FAM171A1: variants seen among roughly 807,000 people sequenced by gnomAD.
FAM171A1 encodes family with sequence similarity 171 member A1, also known as protein FAM171A1.
A neutral mutation model predicts 74.9 loss-of-function variants in FAM171A1; 23 were observed. The ratio of observed to expected loss-of-function variants is 0.31; its 90% CI spans 0.22 to 0.44. The LOEUF (loss-of-function observed/expected upper bound fraction) is 0.44, where lower values mean the gene tolerates loss of function less well. Ranked by LOEUF, FAM171A1 falls within the 20% of genes least tolerant of loss-of-function variation. The probability of loss-of-function intolerance (pLI) is 1.00; values close to 1 mark genes in which losing one functional copy is unlikely to be tolerated. For missense variants in FAM171A1, 1,162 were observed against 1,159.2 expected, an observed-to-expected ratio of 1.00 and a Z score of -0.03; for synonymous variants, 527 against 505.7, an observed-to-expected ratio of 1.04 and a Z score of -0.57.
chr10:15,219,331 C>A (rs958403883), intron 6 of FAM171A1, among the ~76,000 whole-genome samples: 2 of 152,072 alleles, frequency 1.3e-5, no homozygotes, highest in African/African-American at 4.8e-5. Context: ...CACACACACA[C>A]AAAAAGCATG....
At chr10:15,229,789 C>T (rs12784164) in intron 5 of FAM171A1, among the ~76,000 whole-genome samples, 29 of 23,292 alleles carry the variant, frequency 1.2e-3, no homozygotes, top group African/African-American at 3.8e-3. Flanking sequence ...ACCATCACCA[C>T]CATCACCATC....
At chr10:15,301,813 C>T (rs1297093205) in intron 1 of FAM171A1, among the ~76,000 whole-genome samples, 4 of 152,174 alleles carry the variant, frequency 2.6e-5, no homozygotes, top group African/African-American at 9.6e-5. Context: ...TTCTATCAAA[C>T]CATGCCAGGC....
chr10:15,273,822 CA>C (rs1350127554), intron 3 of FAM171A1, among the ~76,000 whole-genome samples: 1 of 152,128 alleles, frequency 6.6e-6, no homozygotes, highest in Non-Finnish European at 1.5e-5. Flanking sequence ...AGGCCTTTGA[CA>C]AAATTCAACA....
rs746749391 is a variant in FAM171A1, at chr10:15,254,859, C to A, written c.439G>T (p.Val147Phe). Residue 147 changes from valine to phenylalanine, a missense_variant, in exon 4 of 8, where the codon GTT (valine) becomes TTT (phenylalanine). Coordinates refer to ENST00000378116, the MANE Select transcript of FAM171A1 (RefSeq NM_001010924.2). ...GFQGARPQPR[V>F]HFQRRALRLP... Reference sequence around the variant, plus strand: ...CTCAGAGCCCTTCTCTGGAAATGAACGCGAGGCTGTGGCCGGGCACCTGCA... The same window carrying A: ...CTCAGAGCCCTTCTCTGGAAATGAAAGCGAGGCTGTGGCCGGGCACCTGCA... The A allele has an allele frequency of 2.5e-6, 4 of 1,613,872 alleles. No homozygotes were observed. Among genetic ancestry groups the A allele is most frequent in the Non-Finnish European group, 8.5e-7 (1 of 1,179,768 alleles).
intron 1 of FAM171A1, among the ~76,000 whole-genome samples, chr10:15,318,344 G>A (rs1034199917): frequency 2.0e-5 from 3 of 152,146 alleles, no homozygotes; most frequent in Admixed American, 2.0e-4. Context: ...GGTCCTTCCC[G>A]GAAGGGAAAA....
At chr10:15,319,343 C>T (rs541732906) in intron 1 of FAM171A1, among the ~76,000 whole-genome samples, 16 of 152,146 alleles carry the variant, frequency 1.1e-4, no homozygotes, top group African/African-American at 3.6e-4. Context: ...GACACAAAGG[C>T]ATAAAAAAGA....
chr10:15,255,102 T>C (rs1834562237), intron 3 of FAM171A1, among the ~76,000 whole-genome samples: 1 of 152,168 alleles, frequency 6.6e-6, no homozygotes, highest in Non-Finnish European at 1.5e-5. Context: ...TGACACAGGA[T>C]GTTATTTAGG....
chr10:15,244,754 G>T (rs539937025), intron 5 of FAM171A1, among the ~76,000 whole-genome samples: 2 of 152,164 alleles, frequency 1.3e-5, no homozygotes, highest in Non-Finnish European at 2.9e-5. Context: ...GGAGTAACAG[G>T]TCCCCGCACA....
chr10:15,275,091 G>A (rs536547682), intron 3 of FAM171A1, among the ~76,000 whole-genome samples: 260 of 152,170 alleles, frequency 1.7e-3, no homozygotes, highest in African/African-American at 5.9e-3. Context: ...ATTACACACC[G>A]GGGCCTGTCG....
chr10:15,214,779 C>T (rs1306711433), intron 7 of FAM171A1, among the ~76,000 whole-genome samples, 178 bp from the exon 8 acceptor site: 4 of 144,878 alleles, frequency 2.8e-5, no homozygotes, highest in Non-Finnish European at 6.0e-5. Context: ...TTTTTTGAGA[C>T]AGCATCTTGC....
intron 1 of FAM171A1, among the ~76,000 whole-genome samples, chr10:15,368,686 C>T (rs1043239774): frequency 6.6e-6 from 1 of 152,194 alleles, no homozygotes; most frequent in Non-Finnish European, 1.5e-5. Context: ...GTATGCATAA[C>T]AACCTACAAC....
At chr10:15,278,354 A>G (rs533887441) in intron 2 of FAM171A1, among the ~76,000 whole-genome samples, 1 of 152,332 alleles carries the variant, frequency 6.6e-6, no homozygotes, top group South Asian at 2.1e-4. Context: ...TTCCTCAAAT[A>G]TTAAACACAG....
chr10:15,373,330 C>T (rs1358380408), upstream of FAM171A1, among the ~76,000 whole-genome samples: 2 of 152,198 alleles, frequency 1.3e-5, no homozygotes, highest in African/African-American at 2.4e-5. Flanking sequence ...ATGGCACTCA[C>T]TGAACTGGAG....
At chr10:15,300,205 T>C (rs1432943788) in intron 1 of FAM171A1, among the ~76,000 whole-genome samples, 1 of 152,222 alleles carries the variant, frequency 6.6e-6, no homozygotes, top group African/African-American at 2.4e-5. Flanking sequence ...TAAAGTTTTC[T>C]TTTCTGTTTC....
chr10:15,347,783 C>T (rs12784307), intron 1 of FAM171A1, among the ~76,000 whole-genome samples: 13 of 136,328 alleles, frequency 9.5e-5, no homozygotes, highest in East Asian at 2.3e-4. Flanking sequence ...TGCAGTAAGC[C>T]GAGATCGCAC....
chr10:15,322,069 C>T (rs1019024127), intron 1 of FAM171A1, among the ~76,000 whole-genome samples: 1 of 152,206 alleles, frequency 6.6e-6, no homozygotes, highest in African/African-American at 2.4e-5. Context: ...ACTGTGTCTC[C>T]ATGCTCTGGT....
chr10:15,261,340 C>T (rs747303168), intron 3 of FAM171A1, among the ~76,000 whole-genome samples: 15 of 152,146 alleles, frequency 9.9e-5, no homozygotes, highest in Non-Finnish European at 1.3e-4. Flanking sequence ...AAGAATTGAG[C>T]CAGTAATCTT....
intron 1 of FAM171A1, among the ~76,000 whole-genome samples, chr10:15,343,750 G>C (rs188778210): frequency 1.8e-4 from 27 of 152,254 alleles, no homozygotes; most frequent in East Asian, 1.2e-3. Context: ...ATCCGTCCAG[G>C]AGGGGGGCTG....
At chr10:15,217,032 A>G (rs952025090) in intron 6 of FAM171A1, among the ~76,000 whole-genome samples, 16 of 152,202 alleles carry the variant, frequency 1.1e-4, no homozygotes, top group South Asian at 2.1e-4. Flanking sequence ...TTTAAAAACA[A>G]GATCTTTCTC....
Sources: allele counts gnomAD v4.1 joint callset (sites outside exome capture counted in the v4.1 genomes callset), GRCh38; gene constraint gnomAD v4.1.1; transcripts MANE v1.5; gene names NCBI Gene and HGNC (gene_info 2026-07-23, HGNC 2026-07-21).